NRG3: variants seen among roughly 807,000 people sequenced by gnomAD.
NRG3 encodes the protein pro-neuregulin-3, membrane-bound isoform.
In NRG3, 31 loss-of-function variants were observed where a neutral mutation model predicts 66.9. The observed-to-expected ratio is 0.46, with a 90% CI of 0.35 to 0.63. NRG3 has a LOEUF of 0.63. Ranked by LOEUF, NRG3 falls within the 20% of genes least tolerant of loss-of-function variation. NRG3 has a pLI of 0.00. For synonymous variants in NRG3, 393 were observed against 359.4 expected, an observed-to-expected ratio of 1.09 and a Z score of -1.06; for missense variants, 910 against 878.9, an observed-to-expected ratio of 1.04 and a Z score of -0.45.
intron 1 of NRG3, among the ~76,000 whole-genome samples, chr10:82,100,053 C>G (rs2066631940): frequency 6.6e-6 from 1 of 150,788 alleles, no homozygotes; most frequent in African/African-American, 2.4e-5. Flanking sequence ...GATGGAATAC[C>G]TCTTTATTTA....
At chr10:82,051,081 T>A (rs1460145447) in intron 1 of NRG3, among the ~76,000 whole-genome samples, 2 of 152,238 alleles carry the variant, frequency 1.3e-5, no homozygotes, top group East Asian at 3.9e-4. Context: ...TTCTTCAAAT[T>A]GATATTTATC....
Position 82,868,130 on chromosome 10 carries a change from C to T in NRG3, c.1054+2693C>T, listed in dbSNP as rs142895588. 7.2e-3 allele frequency among the ~76,000 whole-genome samples: 1,094 copies of T among 152,242 alleles called. 12 individuals are homozygous for T. The highest frequency in any genetic ancestry group is 0.025 in the African/African-American group (1,029 of 41,544). The stretch of plus-strand genomic sequence containing the variant: ...CATGGCTGTAGCAAACTAAAATTGC[C>T]ATGCAAATTTTAATCCGTGTTGAAA... On this transcript the variant is annotated intron_variant, in intron 4 of 8. Coordinates refer to ENST00000372141, the MANE Select transcript of NRG3 (RefSeq NM_001010848.4).
intron 1 of NRG3, among the ~76,000 whole-genome samples, chr10:82,005,937 TATA>T (rs993682849): frequency 2.0e-4 from 29 of 142,992 alleles, no homozygotes; most frequent in African/African-American, 6.1e-4. Context: ...CACCTTTCAG[TATA>T]ATGAGAAATT....
intron 3 of NRG3, among the ~76,000 whole-genome samples, chr10:82,740,229 C>T (rs1274152030): frequency 1.3e-5 from 2 of 149,510 alleles, no homozygotes; most frequent in Non-Finnish European, 3.0e-5. Flanking sequence ...TCTTTCCTTT[C>T]TTCCTTCCTT....
chr10:82,467,260 G>T (rs1437731644), intron 2 of NRG3, among the ~76,000 whole-genome samples: 1 of 152,158 alleles, frequency 6.6e-6, no homozygotes, highest in Non-Finnish European at 1.5e-5. Context: ...ATGTGGCAGG[G>T]AAAATTGTGA....
intron 1 of NRG3, among the ~76,000 whole-genome samples, chr10:82,049,570 G>A (rs2063489177): frequency 6.6e-6 from 1 of 151,842 alleles, no homozygotes; most frequent in Non-Finnish European, 1.5e-5. Context: ...AAGACTTTAT[G>A]TTGTTTCTGC....
chr10:81,891,341 A>G (rs1842992443), intron 1 of NRG3, among the ~76,000 whole-genome samples: 1 of 152,164 alleles, frequency 6.6e-6, no homozygotes, highest in South Asian at 2.1e-4. Context: ...TACTCTCTGT[A>G]AGGTTTGGCA....
intron 2 of NRG3, among the ~76,000 whole-genome samples, chr10:82,609,690 CA>C: frequency 6.6e-6 from 1 of 151,712 alleles, no homozygotes; most frequent in East Asian, 1.9e-4. Flanking sequence ...ATGATTGTAC[CA>C]AACCTTATTT....
intron 8 of NRG3, among the ~76,000 whole-genome samples, chr10:82,979,493 A>G (rs1234875067): frequency 6.6e-6 from 1 of 152,344 alleles, no homozygotes; most frequent in South Asian, 2.1e-4. Flanking sequence ...TCTGATAAGT[A>G]TTGTGAACAA....
chr10:82,102,940 C>T (rs1454452984), intron 1 of NRG3, among the ~76,000 whole-genome samples: 1 of 152,002 alleles, frequency 6.6e-6, no homozygotes, highest in African/African-American at 2.4e-5. Flanking sequence ...GTTGTTCTGC[C>T]TTCATTTTGG....
chr10:82,247,407 A>G (rs1347325303), intron 1 of NRG3, among the ~76,000 whole-genome samples: 5 of 152,232 alleles, frequency 3.3e-5, no homozygotes, highest in Admixed American at 1.3e-4. Context: ...AGAGAATAAG[A>G]GAGCTCTTGG....
At chr10:82,984,320 G>A (rs1853227916) in intron 8 of NRG3, among the ~76,000 whole-genome samples, 1 of 152,164 alleles carries the variant, frequency 6.6e-6, no homozygotes, top group African/African-American at 2.4e-5. Context: ...TGGCATATTG[G>A]CATTCTTGAC....
intron 1 of NRG3, among the ~76,000 whole-genome samples, chr10:82,160,627 T>C (rs754649166): frequency 3.3e-5 from 5 of 151,768 alleles, no homozygotes; most frequent in Non-Finnish European, 7.4e-5. Context: ...GAAGAAGAAA[T>C]AGGACTGTAA....
intron 1 of NRG3, among the ~76,000 whole-genome samples, chr10:82,287,808 T>A (rs977517980): frequency 6.6e-6 from 1 of 152,094 alleles, no homozygotes; most frequent in Admixed American, 6.5e-5. Context: ...CCGACCTATA[T>A]GGTGACCATT....
At chr10:82,879,699 A>G (rs1418049045) in intron 4 of NRG3, among the ~76,000 whole-genome samples, 1 of 151,868 alleles carries the variant, frequency 6.6e-6, no homozygotes, top group Non-Finnish European at 1.5e-5. Context: ...GATGGTCTCG[A>G]TCTCCTGACC....
intron 1 of NRG3, among the ~76,000 whole-genome samples, chr10:81,887,174 G>T (rs1207337733): frequency 2.0e-5 from 3 of 152,034 alleles, no homozygotes; most frequent in African/African-American, 7.2e-5. Flanking sequence ...GATGGAGTTG[G>T]GTTGCTGCTG....
chr10:81,915,505 T>TGTTTTTTTTTTTTTTTTC (rs552174445), intron 1 of NRG3, among the ~76,000 whole-genome samples: 1 of 151,376 alleles, frequency 6.6e-6, no homozygotes, highest in African/African-American at 2.4e-5. Context: ...AGTTTTTTTT[T>TGTTTTTTTTTTTTTTTTC]TTTTTGCCAA....
intron 1 of NRG3, among the ~76,000 whole-genome samples, chr10:82,260,995 T>C (rs2077996379): frequency 6.6e-6 from 1 of 152,130 alleles, no homozygotes; most frequent in African/African-American, 2.4e-5. Flanking sequence ...TGCTCATGAA[T>C]GGCTTAATAC....
At chr10:82,273,780 TAA>T (rs1487085601) in intron 1 of NRG3, among the ~76,000 whole-genome samples, 2 of 151,960 alleles carry the variant, frequency 1.3e-5, no homozygotes, top group African/African-American at 4.8e-5. Context: ...AATCAGTTAA[TAA>T]AAAACCTAGT....
Sources: gnomAD v4.1 joint callset for allele counts (sites outside exome capture counted in the v4.1 genomes callset) on GRCh38, gnomAD v4.1.1 for gene constraint, MANE v1.5 for transcripts, NCBI Gene and HGNC (gene_info 2026-07-23, HGNC 2026-07-21) for gene names.